Variants in ZC3H12B observed in about 807,000 individuals in gnomAD.
ZC3H12B encodes probable ribonuclease ZC3H12B.
ZC3H12B carries 7 observed loss-of-function variants against 43.9 expected under a neutral mutation model. The observed-to-expected ratio is 0.16, with a 90% CI of 0.09 to 0.30. The LOEUF (loss-of-function observed/expected upper bound fraction) is 0.30, where lower values mean the gene tolerates loss of function less well. ZC3H12B is among the 10% of genes least tolerant of loss of function. ZC3H12B has a pLI of 1.00. For synonymous variants in ZC3H12B, 222 were observed against 241.7 expected, an observed-to-expected ratio of 0.92 and a Z score of 0.76; for missense variants, 475 against 670.2, an observed-to-expected ratio of 0.71 and a Z score of 3.22.
the ZC3H12B span, among the ~76,000 whole-genome samples, chrX:65,147,234 G>A: frequency 3.6e-5 from 4 of 112,044 alleles, no homozygotes; most frequent in East Asian, 8.4e-4. Flanking sequence ...AGCTCATCGA[G>A]AGATTCTGGG....
chrX:65,143,007 T>A, the ZC3H12B span, among the ~76,000 whole-genome samples: 1 of 111,547 alleles, frequency 9.0e-6, no homozygotes, highest in African/African-American at 3.3e-5. Context: ...CCATAAAAAT[T>A]TTAGAATTTT....
At chrX:65,385,236 G>A (rs2066505159) in intron 2 of ZC3H12B, among the ~76,000 whole-genome samples, 1 of 111,862 alleles carries the variant, frequency 8.9e-6, no homozygotes, top group Non-Finnish European at 1.9e-5. Flanking sequence ...AAATTACCTT[G>A]GGCAGTATGG....
intron 3 of ZC3H12B, among the ~76,000 whole-genome samples, chrX:65,470,570 T>C (rs1168362281): frequency 9.0e-6 from 1 of 110,820 alleles, no homozygotes; most frequent in African/African-American, 3.3e-5. Flanking sequence ...GGAGTCTCCC[T>C]GCCGCCCTCA....
At chrX:65,136,398 T>C in the ZC3H12B span, among the ~76,000 whole-genome samples, 1 of 111,172 alleles carries the variant, frequency 9.0e-6, no homozygotes, top group East Asian at 2.8e-4. Flanking sequence ...GAGATGAAAG[T>C]CTTGGCTCCC....
chrX:65,454,697 C>A (rs185174094), intron 3 of ZC3H12B, among the ~76,000 whole-genome samples: 57 of 111,921 alleles, frequency 5.1e-4, no homozygotes, highest in East Asian at 8.5e-4. Flanking sequence ...TGGTCCCAGA[C>A]CCCCAAGTAG....
At chrX:65,198,675 T>A in the ZC3H12B span, among the ~76,000 whole-genome samples, 1 of 111,853 alleles carries the variant, frequency 8.9e-6, no homozygotes, top group Non-Finnish European at 1.9e-5. Context: ...GTCTTGAGGT[T>A]GTCTTCTTTG....
chrX:65,301,220 T>C, the ZC3H12B span, among the ~76,000 whole-genome samples: 1 of 111,239 alleles, frequency 9.0e-6, no homozygotes, highest in Non-Finnish European at 1.9e-5. Flanking sequence ...AAAGCAACAC[T>C]TTTACACTGC....
chrX:65,422,925 CTTTTT>C (rs34567013), intron 3 of ZC3H12B, among the ~76,000 whole-genome samples: 10 of 46,176 alleles, frequency 2.2e-4, no homozygotes, highest in Non-Finnish European at 3.6e-4. Context: ...TCTTTCTTTG[CTTTTT>C]TTTTTTTTTT....
At chrX:65,190,288 T>C in the ZC3H12B span, among the ~76,000 whole-genome samples, 102 of 110,995 alleles carry the variant, frequency 9.2e-4, no homozygotes, top group Middle Eastern at 9.2e-3. Context: ...CGGGCTCTTT[T>C]TTGGTTCCAT....
At chrX:65,279,715 A>C in the ZC3H12B span, among the ~76,000 whole-genome samples, 2 of 112,376 alleles carry the variant, frequency 1.8e-5, no homozygotes, top group African/African-American at 6.5e-5. Context: ...GCAAAAATAG[A>C]CATGTGGAAT....
At chrX:65,474,282 C>A (rs1291525222) in intron 3 of ZC3H12B, among the ~76,000 whole-genome samples, 2 of 111,416 alleles carry the variant, frequency 1.8e-5, no homozygotes, top group Admixed American at 9.6e-5. Flanking sequence ...AGTATGACCA[C>A]TTCTGCTTTC....
intron 3 of ZC3H12B, among the ~76,000 whole-genome samples, chrX:65,480,495 T>C (rs961648558): frequency 1.8e-5 from 2 of 112,391 alleles, no homozygotes; most frequent in African/African-American, 6.5e-5. Flanking sequence ...ATGGTCTTTA[T>C]AATTTTGATC....
At chrX:65,055,200 C>T in the ZC3H12B span, among the ~76,000 whole-genome samples, 2 of 111,412 alleles carry the variant, frequency 1.8e-5, no homozygotes, top group African/African-American at 6.5e-5. Context: ...TTTGCCCATT[C>T]AGTATGATAT....
At chrX:65,422,757 T>C (rs2067034002) in intron 3 of ZC3H12B, among the ~76,000 whole-genome samples, 1 of 109,744 alleles carries the variant, frequency 9.1e-6, no homozygotes, top group African/African-American at 3.3e-5. Flanking sequence ...ATTGATCAAC[T>C]GCCATTTATG....
At chrX:65,053,264 C>A in the ZC3H12B span, among the ~76,000 whole-genome samples, 52 of 110,903 alleles carry the variant, frequency 4.7e-4, 1 homozygote, top group East Asian at 0.012. Context: ...CCACTCCCCC[C>A]ACCCCGCAAC....
chrX:65,139,114 T>A, the ZC3H12B span, among the ~76,000 whole-genome samples: 1 of 112,483 alleles, frequency 8.9e-6, no homozygotes, highest in Non-Finnish European at 1.9e-5. Flanking sequence ...ATTTGTCTAC[T>A]TTGTTTTTGT....
chrX:65,067,239 A>G, the ZC3H12B span, among the ~76,000 whole-genome samples: 1 of 110,170 alleles, frequency 9.1e-6, no homozygotes, highest in African/African-American at 3.3e-5. Context: ...CAGCTGCCCC[A>G]TTTTGTGCTT....
chrX:65,117,974 A>G, the ZC3H12B span, among the ~76,000 whole-genome samples: 1 of 111,454 alleles, frequency 9.0e-6, no homozygotes, highest in African/African-American at 3.3e-5. Context: ...GCCTTGTAGT[A>G]TAGTTTGAAG....
intron 1 of ZC3H12B, among the ~76,000 whole-genome samples, chrX:65,367,376 C>T (rs775666062): frequency 7.9e-4 from 88 of 110,920 alleles, no homozygotes; most frequent in African/African-American, 2.7e-3. Context: ...GGACAGTAAC[C>T]CTCAGATCCC....
Sources: allele counts gnomAD v4.1 joint callset (sites outside exome capture counted in the v4.1 genomes callset), GRCh38; gene constraint gnomAD v4.1.1; transcripts MANE v1.5; gene names NCBI Gene and HGNC (gene_info 2026-07-23, HGNC 2026-07-21).